SYNCRIP: variants seen among roughly 807,000 people sequenced by gnomAD.
The protein encoded by SYNCRIP is synaptotagmin binding cytoplasmic RNA interacting protein, also known as heterogeneous nuclear ribonucleoprotein Q.
In SYNCRIP, 9 loss-of-function variants were observed where a neutral mutation model predicts 68.9. The ratio of observed to expected loss-of-function variants is 0.13; its 90% CI spans 0.08 to 0.23. The LOEUF is 0.23. Ranked by LOEUF, SYNCRIP falls within the 10% of genes least tolerant of loss-of-function variation. SYNCRIP has a pLI of 1.00. For synonymous variants in SYNCRIP, 258 were observed against 254.0 expected, an observed-to-expected ratio of 1.02 and a Z score of -0.15; for missense variants, 414 against 770.6, an observed-to-expected ratio of 0.54 and a Z score of 5.48.
At chr6:85,618,778 T>G in intron 10 of SYNCRIP, 40 bp downstream of exon 10, 1 of 1,505,466 alleles carries the variant, frequency 6.6e-7, no homozygotes, top group Non-Finnish European at 9.0e-7. Flanking sequence ...GTATAAATAT[T>G]AAAATTTATA....
chr6:85,636,904 G>A (rs1583310988), intron 6 of SYNCRIP, 63 bp downstream of exon 6: 2 of 1,496,794 alleles, frequency 1.3e-6, no homozygotes, highest in Admixed American at 2.3e-5. Context: ...GGCACACTAA[G>A]AAAAAAACTT....
chr6:85,641,576 A>G (rs2128305731), intron 1 of SYNCRIP, 125 bp from the exon 2 acceptor site: 1 of 949,698 alleles, frequency 1.1e-6, no homozygotes, highest in Non-Finnish European at 1.5e-6. Context: ...CCCTTTAAAA[A>G]AGCCTTACAG....
Position 85,636,969 on chromosome 6 carries a change from G to C in SYNCRIP, c.664C>G (p.Leu222Val). The C allele has an allele frequency of 6.3e-7, 1 of 1,593,866 alleles. No individual in the cohort carries two copies. Among genetic ancestry groups the C allele is most frequent in the Non-Finnish European group, 8.5e-7 (1 of 1,173,450 alleles). ...AAGGGGAAAAAAGGACAACTTACCA[G>C]TTTAACAGCCTCCTGAGCTGCTTCT... ...TKEAAQEAVKLYNNHEIRSGK... is the reference protein window; with the variant it reads ...TKEAAQEAVKVYNNHEIRSGK... Residue 222 changes from leucine (L) to valine (V), a missense_variant and splice_region_variant, in exon 6 of 11, where the codon CTG (leucine) becomes GTG (valine). Leu to Val is a conservative substitution (Grantham distance 32). Around this residue, in one of 6 missense-constraint regions of SYNCRIP, gnomAD observed 110 missense variants for 269.3 expected, o/e 0.41. Coordinates refer to ENST00000369622, the MANE Select transcript of SYNCRIP (RefSeq NM_006372.5).
At chr6:85,616,732 T>C (rs548183598) in intron 10 of SYNCRIP, among the ~76,000 whole-genome samples, 1 of 152,298 alleles carries the variant, frequency 6.6e-6, no homozygotes, top group Non-Finnish European at 1.5e-5. Flanking sequence ...CCTTAGACCT[T>C]TTATGTGCTC....
At chr6:85,635,564 G>A (rs547851715) in intron 6 of SYNCRIP, among the ~76,000 whole-genome samples, 23 of 151,998 alleles carry the variant, frequency 1.5e-4, no homozygotes, top group Non-Finnish European at 2.4e-4. Context: ...GAGGTCAAGA[G>A]TTCATGACCA....
intron 6 of SYNCRIP, among the ~76,000 whole-genome samples, chr6:85,626,034 A>G (rs1344905594): frequency 2.0e-5 from 3 of 152,234 alleles, no homozygotes; most frequent in Non-Finnish European, 4.4e-5. Flanking sequence ...CTAAAAGATC[A>G]GCAGTGCTGA....
At chr6:85,623,894 T>C (rs529628373) in intron 7 of SYNCRIP, 83 bp downstream of exon 7, 2 of 1,517,684 alleles carry the variant, frequency 1.3e-6, no homozygotes, top group South Asian at 2.4e-5. Flanking sequence ...TAAATGTATT[T>C]AGAACAATGC....
chr6:85,608,762 A>G (rs760305627), exon 12 of SYNCRIP: 2 of 152,040 alleles, frequency 1.3e-5, no homozygotes, highest in African/African-American at 2.4e-5. Flanking sequence ...AGCGTTAGTA[A>G]TAATACTGGT....
chr6:85,617,327 CCTCT>C lies in SYNCRIP; in HGVS notation c.1280+1487_1280+1490del, dbSNP rs71693801. On this transcript the variant is annotated intron_variant, in intron 10 of 10. Transcript: ENST00000369622. ...TCCTCCACCTTCTATTTAGTATCTC[CCTCT>C]ATCAAGTACCAAATGTAACTGCTCT... is the stretch of plus-strand genomic sequence containing the variant. Among the ~76,000 whole-genome samples the C allele has an allele frequency of 8.4e-4, 128 of 152,202 alleles. No homozygotes were observed. The East Asian group carries it at 0.023, about 27-fold the overall frequency.
intron 10 of SYNCRIP, among the ~76,000 whole-genome samples, chr6:85,617,093 T>C (rs1323689858): frequency 2.0e-5 from 3 of 152,048 alleles, no homozygotes; most frequent in Non-Finnish European, 2.9e-5. Flanking sequence ...CCCAAGGAAG[T>C]TGACTTCTGA....
At chr6:85,612,218 A>AT (rs1379160464), downstream of SYNCRIP, 1 of 152,072 alleles carries the variant, frequency 6.6e-6, no homozygotes, top group Non-Finnish European at 1.5e-5. Context: ...ATCTACAAAG[A>AT]TTTTCTATGT....
chr6:85,628,203 G>A (rs1198101272), intron 6 of SYNCRIP, among the ~76,000 whole-genome samples: 1 of 152,060 alleles, frequency 6.6e-6, no homozygotes, highest in African/African-American at 2.4e-5. Context: ...CCACAGGCGT[G>A]TGCCACCACA....
chr6:85,622,169 C>T (rs2842602), intron 8 of SYNCRIP, among the ~76,000 whole-genome samples: 41,903 of 151,878 alleles, frequency 0.28, 6,780 homozygotes, highest in East Asian at 0.39. Flanking sequence ...GTCAGGAGTT[C>T]GAGACCAGTC....
intron 6 of SYNCRIP, among the ~76,000 whole-genome samples, chr6:85,636,203 G>C (rs1808429787): frequency 6.6e-6 from 1 of 152,170 alleles, no homozygotes; most frequent in Non-Finnish European, 1.5e-5. Context: ...CCAGGACTTT[G>C]GGAGGCCGAA....
chr6:85,613,023 A>G, downstream of SYNCRIP: 1 of 1,385,968 alleles, frequency 7.2e-7, no homozygotes, highest in Non-Finnish European at 9.7e-7. Context: ...TTAACATGGT[A>G]ATTCTAAATA....
chr6:85,636,389 T>A (rs1335780880), intron 6 of SYNCRIP, among the ~76,000 whole-genome samples: 3 of 151,466 alleles, frequency 2.0e-5, no homozygotes, highest in African/African-American at 7.3e-5. Flanking sequence ...GAGGTTGCAG[T>A]GAGCCGAAAT....
chr6:85,613,483 T>G (rs1302549528), downstream of SYNCRIP, among the ~76,000 whole-genome samples: 2 of 152,172 alleles, frequency 1.3e-5, no homozygotes, highest in African/African-American at 4.8e-5. Context: ...TTTTCACTGT[T>G]GACCTAGAGT....
At chr6:85,639,086 T>C (rs1228506819) in intron 4 of SYNCRIP, among the ~76,000 whole-genome samples, 3 of 152,114 alleles carry the variant, frequency 2.0e-5, no homozygotes, top group African/African-American at 7.2e-5. Context: ...CACCCACCGG[T>C]AGTCCCAGCT....
At chr6:85,624,229 TACAA>T in intron 6 of SYNCRIP, 117 bp from the exon 7 acceptor site, 15 of 959,798 alleles carry the variant, frequency 1.6e-5, no homozygotes, top group Non-Finnish European at 2.2e-5. Flanking sequence ...TTAATTCCCA[TACAA>T]GGGAATTATG....
Sources: allele counts gnomAD v4.1 joint callset (sites outside exome capture counted in the v4.1 genomes callset), GRCh38; gene constraint gnomAD v4.1.1; regional missense constraint gnomAD v4.1.1; transcripts MANE v1.5; gene names NCBI Gene and HGNC (gene_info 2026-07-23, HGNC 2026-07-21).